The following TBC1D30 variants were observed in gnomAD, a reference collection of about 807,000 sequenced individuals.
TBC1D30 encodes the protein TBC1 domain family, member 30.
A neutral mutation model predicts 63.2 loss-of-function variants in TBC1D30; 31 were observed. That is an observed-to-expected ratio of 0.49 (90% confidence interval 0.37 to 0.66). The LOEUF is 0.66. TBC1D30 is among the 30% of genes least tolerant of loss of function. TBC1D30 has a pLI of 0.00. For synonymous variants in TBC1D30, 307 were observed against 361.5 expected, an observed-to-expected ratio of 0.85 and a Z score of 1.71; for missense variants, 810 against 953.6, an observed-to-expected ratio of 0.85 and a Z score of 1.98.
chr12:64,821,592 T>C (rs1225097103), upstream of TBC1D30, among the ~76,000 whole-genome samples: 3 of 152,122 alleles, frequency 2.0e-5, no homozygotes, highest in Non-Finnish European at 4.4e-5. Context: ...GTTCCCTCTC[T>C]TTGACTTCGG....
chr12:64,844,310 G>A (rs1876167422), intron 8 of TBC1D30, among the ~76,000 whole-genome samples: 1 of 151,980 alleles, frequency 6.6e-6, no homozygotes, highest in Non-Finnish European at 1.5e-5. Flanking sequence ...TCAAGTCTTT[G>A]AAATTGACAG....
intron 8 of TBC1D30, among the ~76,000 whole-genome samples, chr12:64,845,054 T>C (rs1056200574): frequency 2.6e-5 from 4 of 152,196 alleles, no homozygotes; most frequent in Admixed American, 6.5e-5. Flanking sequence ...TTCTTGGCTA[T>C]TGTGAACAGT....
intron 7 of TBC1D30, among the ~76,000 whole-genome samples, chr12:64,839,385 G>T (rs1284014181): frequency 6.6e-6 from 1 of 152,116 alleles, no homozygotes; most frequent in Non-Finnish European, 1.5e-5. Flanking sequence ...AATAGATTTT[G>T]CTTATATTCT....
At chr12:64,761,930 A>G (rs887988306) in intron 1 of TBC1D30, among the ~76,000 whole-genome samples, 8 of 152,190 alleles carry the variant, frequency 5.3e-5, no homozygotes, top group Non-Finnish European at 8.8e-5. Context: ...CTGAAGAGAC[A>G]TTGTCCCTCG....
intron 6 of TBC1D30, among the ~76,000 whole-genome samples, chr12:64,837,759 A>G (rs1408724036): frequency 4.6e-5 from 7 of 152,188 alleles, no homozygotes; most frequent in African/African-American, 1.4e-4. Flanking sequence ...ATAACTGTGT[A>G]GATTTTATAA....
chr12:64,864,258 A>G (rs1485317332), intron 8 of TBC1D30, among the ~76,000 whole-genome samples: 2 of 152,252 alleles, frequency 1.3e-5, no homozygotes, highest in Non-Finnish European at 2.9e-5. Flanking sequence ...CTGACCTGAC[A>G]TTAAATGTCT....
At chr12:64,823,850 C>T (rs1417662643), upstream of TBC1D30, among the ~76,000 whole-genome samples, 1 of 152,160 alleles carries the variant, frequency 6.6e-6, no homozygotes, top group Non-Finnish European at 1.5e-5. Flanking sequence ...GCCAAAACTA[C>T]AGGAGGCACA....
intron 2 of TBC1D30, among the ~76,000 whole-genome samples, chr12:64,792,337 C>A (rs1279794013): frequency 5.9e-5 from 9 of 152,208 alleles, no homozygotes; most frequent in Non-Finnish European, 8.8e-5. Context: ...ACTTTCTCCA[C>A]TTCCTGTATA....
chr12:64,866,881 G>A lies in TBC1D30; in HGVS notation c.1269G>A (p.Gln423=). The A allele has an allele frequency of 6.5e-7, 1 of 1,536,094 alleles. No homozygotes were observed. Among genetic ancestry groups the A allele is most frequent in the Non-Finnish European group, 8.7e-7 (1 of 1,146,904 alleles). The change falls in exon 10 of 12, where the codon CAG becomes CAA. Residue 423 remains glutamine, a synonymous_variant. Transcript: ENST00000539867. Reference sequence around the variant, plus strand: ...GTGGGTTCCTGGCTCCTGAACTGCAGAAGTACCAAAAACAAATTAAAGGTA... The same window carrying A: ...GTGGGTTCCTGGCTCCTGAACTGCAAAAGTACCAAAAACAAATTAAAGGTA... ...PFSGFLAPEL[Q]KYQKQIKEPN... is the part of the protein sequence containing the mutation.
At chr12:64,825,883 G>GGCCCCC (rs2136356054) in intron 1 of TBC1D30, among the ~76,000 whole-genome samples, 1 of 152,246 alleles carries the variant, frequency 6.6e-6, no homozygotes, top group East Asian at 1.9e-4. Flanking sequence ...CACGGTCCCC[G>GGCCCCC]GCCCCCGCCC....
chr12:64,797,072 A>T (rs2136310829), intron 2 of TBC1D30, among the ~76,000 whole-genome samples: 1 of 149,714 alleles, frequency 6.7e-6, no homozygotes, highest in African/African-American at 2.4e-5. Context: ...CAGTGTTCTT[A>T]AGCTTTGCTG....
chr12:64,796,277 T>A (rs1213539295), intron 2 of TBC1D30, among the ~76,000 whole-genome samples: 1 of 151,982 alleles, frequency 6.6e-6, no homozygotes, highest in Non-Finnish European at 1.5e-5. Flanking sequence ...AAAAATGATC[T>A]CCATTTACCC....
chr12:64,798,077 A>G (rs564686077), intron 2 of TBC1D30, among the ~76,000 whole-genome samples: 1 of 152,226 alleles, frequency 6.6e-6, no homozygotes, highest in Admixed American at 6.5e-5. Context: ...CTATGTTTTG[A>G]AGACAGAATT....
chr12:64,870,668 C>G lies in TBC1D30; in HGVS notation c.1358C>G (p.Ser453Cys). 1 of 1,536,106 alleles carries G rather than the reference C, an allele frequency of 6.5e-7. No homozygotes were observed. The highest frequency in any genetic ancestry group is 8.7e-7 in the Non-Finnish European group (1 of 1,146,886). ...IAELSPGAIN[S>C]CRSEYHAAFN... The stretch of plus-strand genomic sequence containing the variant: ...GAGCTGAGTCCAGGAGCAATCAATT[C>G]CTGTCGAAGTGAATACCATGCAGCT... Residue 453 changes from serine (S) to cysteine (C), a missense_variant, in exon 11 of 12, where the codon TCC (serine) becomes TGC (cysteine). Physicochemically the swap from Ser to Cys is moderately radical, Grantham distance 112 (BLOSUM62 -1). Transcript: ENST00000539867.
chr12:64,837,948 A>G (rs1179939149), intron 6 of TBC1D30, among the ~76,000 whole-genome samples: 2 of 152,182 alleles, frequency 1.3e-5, no homozygotes, highest in East Asian at 3.9e-4. Context: ...AGGAAAACAG[A>G]CATCTTTTTG....
intron 1 of TBC1D30, among the ~76,000 whole-genome samples, chr12:64,772,330 A>G (rs1047054993): frequency 2.6e-5 from 4 of 151,668 alleles, no homozygotes; most frequent in Admixed American, 6.6e-5. Context: ...ATGTTGGAAG[A>G]GGCACTAGAC....
rs1879292064 is a variant in TBC1D30 at position 64,879,124 on chromosome 12, G to A, written c.*3336G>A. The A allele has an allele frequency of 6.6e-6, 1 of 152,478 alleles. No individual in the cohort carries two copies. Among genetic ancestry groups the A allele is most frequent in the African/African-American group, 2.4e-5 (1 of 41,412 alleles). 9.4% of individuals were successfully genotyped at this position (152,478 alleles called of 1,614,324 possible). A position where few individuals can be genotyped will look rare whatever the true frequency, so the allele number is the denominator to read the frequency against. ...TTAGAAAATTGGGAAAACAAAAAGA[G>A]CATAAAGAATCATCAATACTCTGAT... On this transcript the variant is annotated 3_prime_UTR_variant, in exon 12 of 12. Transcript: ENST00000539867.
intron 7 of TBC1D30, among the ~76,000 whole-genome samples, chr12:64,841,247 C>T (rs1054602710): frequency 1.3e-5 from 2 of 152,196 alleles, no homozygotes; most frequent in Admixed American, 6.5e-5. Flanking sequence ...TCTCCTTTCA[C>T]CTGACTTCTG....
At chr12:64,828,848 G>A (rs1029545536) in intron 3 of TBC1D30, among the ~76,000 whole-genome samples, 3 of 152,120 alleles carry the variant, frequency 2.0e-5, no homozygotes, top group Non-Finnish European at 2.9e-5. Flanking sequence ...GTAAGGAGGT[G>A]GAATTTTAAA....
Sources: allele counts gnomAD v4.1 joint callset (sites outside exome capture counted in the v4.1 genomes callset), GRCh38; gene constraint gnomAD v4.1.1; transcripts MANE v1.5; gene names NCBI Gene and HGNC (gene_info 2026-07-23, HGNC 2026-07-21).